Variants in PDE8A observed in about 807,000 individuals in gnomAD.
The protein encoded by PDE8A is phosphodiesterase 8A, also known as high affinity cAMP-specific and IBMX-insensitive 3',5'-cyclic phosphodiesterase 8A.
Under a neutral mutation model 105.0 loss-of-function variants are expected in PDE8A, and 59 were observed. The ratio of observed to expected loss-of-function variants is 0.56; its 90% CI spans 0.46 to 0.70. PDE8A has a LOEUF of 0.70. PDE8A is among the 30% of genes least tolerant of loss of function. The pLI, the probability that PDE8A is intolerant of heterozygous loss-of-function variation, is 0.00. For synonymous variants in PDE8A, 355 were observed against 371.9 expected (o/e 0.95, Z 0.52); for missense variants, 1,014 against 1,045.9 (o/e 0.97, Z 0.42).
intron 1 of PDE8A, among the ~76,000 whole-genome samples, chr15:85,011,107 C>T (rs984855180): frequency 2.6e-5 from 4 of 152,096 alleles, no homozygotes; most frequent in South Asian, 2.1e-4. Flanking sequence ...TTGCAAGTAT[C>T]ATAAATATCC....
chr15:85,069,812 A>G (rs1174058034), intron 3 of PDE8A, among the ~76,000 whole-genome samples: 1 of 152,132 alleles, frequency 6.6e-6, no homozygotes, highest in East Asian at 1.9e-4. Context: ...AGTGTTTCTC[A>G]CAAGCTGTTT....
intron 3 of PDE8A, among the ~76,000 whole-genome samples, chr15:85,074,431 C>A (rs941327254): frequency 1.3e-5 from 2 of 152,200 alleles, no homozygotes; most frequent in African/African-American, 4.8e-5. Flanking sequence ...GCTGAGTGTG[C>A]TGGCTCACGC....
At chr15:85,015,260 A>T (rs1210588574) in intron 1 of PDE8A, among the ~76,000 whole-genome samples, 1 of 149,182 alleles carries the variant, frequency 6.7e-6, no homozygotes, top group Admixed American at 6.7e-5. Flanking sequence ...TTTTTTGGAC[A>T]GGGTTGCCCA....
chr15:85,029,764 A>G (rs16974722), intron 1 of PDE8A, among the ~76,000 whole-genome samples: 1 of 152,214 alleles, frequency 6.6e-6, no homozygotes, highest in African/African-American at 2.4e-5. Context: ...AGATGGTATC[A>G]GTTAGGACCC....
chr15:85,117,500 A>G, intron 16 of PDE8A, 141 bp from the exon 17 acceptor site: 1 of 701,986 alleles, frequency 1.4e-6, no homozygotes, highest in Non-Finnish European at 2.5e-6. Context: ...GCCCCACCAG[A>G]GAGAGGCCAG....
intron 1 of PDE8A, among the ~76,000 whole-genome samples, chr15:84,988,819 G>C (rs1202106067): frequency 6.6e-6 from 1 of 152,186 alleles, no homozygotes; most frequent in Non-Finnish European, 1.5e-5. Flanking sequence ...ATTATATGCT[G>C]CTTGAGGGCA....
At chr15:85,005,834 A>T (rs370450186) in intron 1 of PDE8A, among the ~76,000 whole-genome samples, 16 of 149,060 alleles carry the variant, frequency 1.1e-4, no homozygotes, top group Non-Finnish European at 1.3e-4. Flanking sequence ...TAATAAGTTT[A>T]AAAAAAAAAG....
intron 1 of PDE8A, among the ~76,000 whole-genome samples, chr15:85,050,547 C>T (rs1363590422): frequency 2.0e-5 from 3 of 152,044 alleles, no homozygotes; most frequent in Admixed American, 2.0e-4. Context: ...TCCAGTTTTC[C>T]CAGCACCATT....
chr15:85,103,663 G>C lies in PDE8A; in HGVS notation c.1036+3465G>C, dbSNP rs2081901987. ...TCTAGAACTAGTTTTGGAAAAGGAAGCAAGAACCTGGGGAAGCTGAGCAAT... is the reference window on the plus strand; with the variant it reads ...TCTAGAACTAGTTTTGGAAAAGGAACCAAGAACCTGGGGAAGCTGAGCAAT... On this transcript the variant is annotated intron_variant, in intron 11 of 21. Transcript: ENST00000394553. Among the ~76,000 whole-genome samples, 4 of 152,228 alleles carry C rather than the reference G, an allele frequency of 2.6e-5. No individual in the cohort carries two copies. In the South Asian group the frequency reaches 6.2e-4, roughly 24 times the overall value.
At position 85,131,708 on chromosome 15, in the gene PDE8A, A is replaced by G. The variant is rs143440750; in HGVS notation, c.2254-4826A>G. 5.6e-4 allele frequency among the ~76,000 whole-genome samples: 85 copies of G among 152,316 alleles called. 1 individual carries two copies. In the East Asian group the frequency reaches 0.016, roughly 28 times the overall value. On this transcript the variant is annotated intron_variant, in intron 20 of 21. Transcript: ENST00000394553. ...GTATTTACCATTATCAGAGATCTTT[A>G]TATCAAGTTACTGTCTAGCTTCCTT...
intron 1 of PDE8A, among the ~76,000 whole-genome samples, chr15:85,050,593 T>C (rs1376572876): frequency 6.6e-6 from 1 of 152,226 alleles, no homozygotes; most frequent in East Asian, 1.9e-4. Flanking sequence ...TTGAATGTTC[T>C]TGGCTCCCTT....
intron 20 of PDE8A, among the ~76,000 whole-genome samples, chr15:85,130,103 A>G (rs895095234): frequency 4.6e-5 from 7 of 152,172 alleles, no homozygotes; most frequent in Non-Finnish European, 8.8e-5. Flanking sequence ...TGATCAGAGC[A>G]AAGGAAGGGG....
At chr15:85,089,645 C>T (rs1427825468) in intron 7 of PDE8A, among the ~76,000 whole-genome samples, 1 of 151,986 alleles carries the variant, frequency 6.6e-6, no homozygotes, top group Admixed American at 6.6e-5. Flanking sequence ...GTAGAAATGC[C>T]ACATTTGCAT....
intron 15 of PDE8A, 174 bp from the exon 16 acceptor site, chr15:85,115,810 C>G: frequency 1.6e-6 from 1 of 608,028 alleles, no homozygotes; most frequent in Non-Finnish European, 2.9e-6. Flanking sequence ...AATCCCACTA[C>G]TCAGGAGGCT....
chr15:85,098,926 C>T (rs1335905432), intron 9 of PDE8A, among the ~76,000 whole-genome samples: 1 of 151,234 alleles, frequency 6.6e-6, no homozygotes, highest in East Asian at 1.9e-4. Flanking sequence ...CACTGTACTC[C>T]AGCCTGGGCA....
upstream of PDE8A, among the ~76,000 whole-genome samples, chr15:84,981,057 T>C (rs2142126877): frequency 6.6e-6 from 1 of 152,260 alleles, no homozygotes; most frequent in Middle Eastern, 3.4e-3. Context: ...CCGGCCTCTT[T>C]TCTGGGTAAC....
chr15:85,120,837 C>T lies in PDE8A; in HGVS notation c.1775C>T (p.Ala592Val). ...DPIDEVAALI[A>V]ATIHDVDHPG... ...ATTGATGAGGTCGCTGCACTCATCG[C>T]AGCCACCATTCATGATGTGGATCAC... The change falls in exon 18 of 22, where the codon GCA becomes GTA. Residue 592 changes from alanine to valine, a missense_variant. Ala to Val is a moderately conservative substitution (Grantham distance 64). Coordinates refer to ENST00000394553, the MANE Select transcript of PDE8A (RefSeq NM_002605.3). The T allele has an allele frequency of 6.2e-7, 1 of 1,613,992 alleles. No homozygotes were observed. The highest frequency in any genetic ancestry group is 8.5e-7 in the Non-Finnish European group (1 of 1,179,866).
chr15:85,048,464 A>G (rs1482612497), intron 1 of PDE8A, among the ~76,000 whole-genome samples: 1 of 152,106 alleles, frequency 6.6e-6, no homozygotes, highest in Non-Finnish European at 1.5e-5. Context: ...ACCCTGCTTT[A>G]TTGTGGCAGT....
chr15:85,097,464 A>G (rs1358498669), intron 8 of PDE8A, among the ~76,000 whole-genome samples: 2 of 152,066 alleles, frequency 1.3e-5, no homozygotes, highest in South Asian at 2.1e-4. Context: ...TCCACACCCT[A>G]TATACAGGGG....
Sources: gnomAD v4.1 joint callset for allele counts (sites outside exome capture counted in the v4.1 genomes callset) on GRCh38, gnomAD v4.1.1 for gene constraint, MANE v1.5 for transcripts, NCBI Gene and HGNC (gene_info 2026-07-23, HGNC 2026-07-21) for gene names.